CNTLN: variants seen among roughly 807,000 people sequenced by gnomAD.
CNTLN encodes centlein.
Under a neutral mutation model 180.0 loss-of-function variants are expected in CNTLN, and 212 were observed. That is an observed-to-expected ratio of 1.18 (90% CI 1.05 to 1.32). The LOEUF (loss-of-function observed/expected upper bound fraction) is 1.32, where lower values mean the gene tolerates loss of function less well. CNTLN is among the 40% of genes most tolerant of loss of function. The probability of loss-of-function intolerance (pLI) is 0.00; values close to 1 mark genes in which losing one functional copy is unlikely to be tolerated. For missense variants in CNTLN, 2,095 were observed against 1,610.9 expected (o/e 1.30, Z -5.14); for synonymous variants, 722 against 563.1 (o/e 1.28, Z -3.99).
chr9:17,245,694 T>C (rs1825761496), intron 5 of CNTLN, among the ~76,000 whole-genome samples: 2 of 152,194 alleles, frequency 1.3e-5, no homozygotes, highest in African/African-American at 4.8e-5. Context: ...CCTTTCACTT[T>C]ATTTTCTCAA....
chr9:17,380,998 C>T (rs984832761), intron 13 of CNTLN, among the ~76,000 whole-genome samples: 2 of 152,144 alleles, frequency 1.3e-5, no homozygotes, highest in Admixed American at 1.3e-4. Context: ...CACCTCCACC[C>T]GTGATTTCTT....
In CNTLN at chr9:17,235,757, G is replaced by A. The variant is rs201402782; in HGVS notation, c.634G>A (p.Glu212Lys). 6 of 1,603,278 alleles carry A rather than the reference G, an allele frequency of 3.7e-6. No homozygotes were observed. In the Admixed American group the frequency reaches 1.0e-4, roughly 28 times the overall value. The change falls in exon 4 of 26, where the codon GAG becomes AAG. Residue 212 changes from glutamate to lysine, a missense_variant. Coordinates refer to ENST00000380647, the MANE Select transcript of CNTLN (RefSeq NM_017738.4). The part of the protein sequence containing the change: ...AFLRKEFSDL[E>K]KKFKDKSQEI... Reference sequence around the variant, plus strand: ...CTTAAGGAAAGAATTCAGTGACTTGGAGAAGAAATTTAAAGATAAAAGTCA... The same window carrying A: ...CTTAAGGAAAGAATTCAGTGACTTGAAGAAGAAATTTAAAGATAAAAGTCA...
intron 5 of CNTLN, among the ~76,000 whole-genome samples, chr9:17,246,832 C>T (rs995495860): frequency 6.6e-6 from 1 of 152,134 alleles, no homozygotes; most frequent in Non-Finnish European, 1.5e-5. Flanking sequence ...CCCAAGGGCT[C>T]TTTAGTCAGC....
At chr9:17,352,823 T>A (rs989922330) in intron 12 of CNTLN, among the ~76,000 whole-genome samples, 6 of 152,238 alleles carry the variant, frequency 3.9e-5, no homozygotes, top group Admixed American at 1.3e-4. Flanking sequence ...GTGACCTTTG[T>A]GTCTGGCTTC....
intron 23 of CNTLN, among the ~76,000 whole-genome samples, chr9:17,474,162 G>T (rs574427119): frequency 1.3e-5 from 2 of 152,024 alleles, no homozygotes; most frequent in African/African-American, 4.8e-5. Flanking sequence ...ATATATATCT[G>T]TTCTCATCCT....
At chr9:17,178,235 A>G (rs759973877) in intron 2 of CNTLN, among the ~76,000 whole-genome samples, 6 of 151,564 alleles carry the variant, frequency 4.0e-5, no homozygotes, top group Non-Finnish European at 7.4e-5. Flanking sequence ...GCTGATTGGT[A>G]TGTTTACAAA....
intron 5 of CNTLN, among the ~76,000 whole-genome samples, chr9:17,257,481 G>C (rs1826596330): frequency 6.6e-6 from 1 of 151,680 alleles, no homozygotes; most frequent in Non-Finnish European, 1.5e-5. Flanking sequence ...TAGTCCTTTG[G>C]GTATATACCC....
At chr9:17,193,389 C>T (rs894140818) in intron 2 of CNTLN, among the ~76,000 whole-genome samples, 4 of 152,134 alleles carry the variant, frequency 2.6e-5, no homozygotes, top group Non-Finnish European at 4.4e-5. Context: ...TTCCCAGATA[C>T]AATGGGGGTA....
chr9:17,295,995 AGAGT>A (rs1478755609), intron 6 of CNTLN, among the ~76,000 whole-genome samples: 1,149 of 84,786 alleles, frequency 0.014, 6 homozygotes, highest in African/African-American at 0.043. Flanking sequence ...AGAGAGAGAG[AGAGT>A]GTGTGTGTGT....
chr9:17,398,843 T>C (rs1329093690), intron 15 of CNTLN, among the ~76,000 whole-genome samples: 2 of 152,148 alleles, frequency 1.3e-5, no homozygotes, highest in African/African-American at 4.8e-5. Flanking sequence ...TGAAGCCAGT[T>C]CAGAAAAAGC....
At chr9:17,235,185 C>G (rs1246016720) in intron 3 of CNTLN, among the ~76,000 whole-genome samples, 1 of 152,154 alleles carries the variant, frequency 6.6e-6, no homozygotes, top group Non-Finnish European at 1.5e-5. Context: ...AATATTCTGT[C>G]TACAGAGCAA....
intron 15 of CNTLN, among the ~76,000 whole-genome samples, chr9:17,404,265 T>G (rs1354119954): frequency 6.6e-6 from 1 of 151,792 alleles, no homozygotes; most frequent in African/African-American, 2.4e-5. Flanking sequence ...TGAGAGTTTA[T>G]TATTTTATCT....
Position 17,484,457 on chromosome 9 carries a change from A to G in CNTLN, c.4018A>G (p.Ile1340Val), listed in dbSNP as rs758188249. The G allele has an allele frequency of 1.2e-6, 2 of 1,601,746 alleles. No individual in the cohort carries two copies. The highest frequency in any genetic ancestry group is 2.2e-5 in the East Asian group (1 of 44,762). Residue 1340 changes from isoleucine to valine, a missense_variant, in exon 24 of 26, where the codon ATA becomes GTA. By Grantham distance (29) the Ile-to-Val change is conservative. Transcript: ENST00000380647. ...CATTTCACGGTCAGATTTAGAGGAA[A>G]TATTAGACACAGAAGATCAAGTGGT... is the stretch of plus-strand genomic sequence containing the variant. Reference protein sequence around the residue: ...LNISRSDLEEILDTEDQVEIE... With the variant: ...LNISRSDLEEVLDTEDQVEIE...
intron 18 of CNTLN, among the ~76,000 whole-genome samples, chr9:17,426,627 G>A (rs1484585316): frequency 6.6e-6 from 1 of 151,528 alleles, no homozygotes; most frequent in East Asian, 1.9e-4. Context: ...TCTCTTCTTG[G>A]ACTTTAATTT....
At chr9:17,417,265 C>T (rs1221544568) in intron 18 of CNTLN, among the ~76,000 whole-genome samples, 1 of 152,064 alleles carries the variant, frequency 6.6e-6, no homozygotes, top group East Asian at 1.9e-4. Flanking sequence ...ATTTTACTGG[C>T]TAGAATTTTC....
At chr9:17,166,058 T>C (rs1820048539) in intron 2 of CNTLN, among the ~76,000 whole-genome samples, 1 of 152,080 alleles carries the variant, frequency 6.6e-6, no homozygotes, top group Admixed American at 6.5e-5. Context: ...AAACTTTTAA[T>C]ATGAAGGATA....
At chr9:17,491,844 C>G (rs1383142099) in intron 25 of CNTLN, among the ~76,000 whole-genome samples, 2 of 152,078 alleles carry the variant, frequency 1.3e-5, no homozygotes, top group African/African-American at 2.4e-5. Flanking sequence ...CTGTAGAATG[C>G]CTTGCAGTGT....
chr9:17,342,585 A>G, intron 12 of CNTLN, 141 bp downstream of exon 12: 1 of 734,354 alleles, frequency 1.4e-6, no homozygotes, highest in Non-Finnish European at 2.1e-6. Context: ...AAAAAAGACT[A>G]GCTTTTAAAA....
chr9:17,208,348 C>T (rs1487140194), intron 2 of CNTLN, among the ~76,000 whole-genome samples: 2 of 152,016 alleles, frequency 1.3e-5, no homozygotes, highest in Admixed American at 6.6e-5. Flanking sequence ...TGACCTTTTT[C>T]ATGTGTTGTT....
Sources: gnomAD v4.1 joint callset for allele counts (sites outside exome capture counted in the v4.1 genomes callset) on GRCh38, gnomAD v4.1.1 for gene constraint, MANE v1.5 for transcripts, NCBI Gene and HGNC (gene_info 2026-07-23, HGNC 2026-07-21) for gene names.